The following PHYKPL variants were observed in gnomAD, a reference collection of about 807,000 sequenced individuals.
PHYKPL encodes the protein 5-phosphohydroxy-L-lysine phospho-lyase, also known as 5-phosphonooxy-L-lysine phospho-lyase.
Under a neutral mutation model 51.3 loss-of-function variants are expected in PHYKPL, and 42 were observed. That is an observed-to-expected ratio of 0.82 (90% CI 0.64 to 1.06). The LOEUF is 1.06. Among genes scored for constraint, PHYKPL ranks in the 50% least tolerant of loss-of-function variants. The pLI is 0.00. For missense variants in PHYKPL, 655 were observed against 586.6 expected, an observed-to-expected ratio of 1.12 and a Z score of -1.20; for synonymous variants, 264 against 236.0, an observed-to-expected ratio of 1.12 and a Z score of -1.09.
intron 8 of PHYKPL, among the ~76,000 whole-genome samples, chr5:178,222,016 C>T (rs11750481): frequency 0.23 from 34,882 of 152,106 alleles, 4,831 homozygotes; most frequent in East Asian, 0.44. Flanking sequence ...CCCAAGCACA[C>T]CACACTCCTC....
At position 178,231,513 on chromosome 5, in the gene PHYKPL, T is replaced by C; in HGVS notation, c.70A>G (p.Arg24Gly). The change falls in exon 2 of 13, where the codon AGA becomes GGA. Residue 24 changes from arginine (R) to glycine (G), a missense_variant. Transcript: ENST00000308158. ...ACAGGATCCTCGGGAAAAAAGAGTC[T>C]GCAGGAAGAGCTGTGGGGACAGGCA... The part of the protein sequence containing the change: ...LRQRLISSSC[R>G]LFFPEDPVKI... 1.2e-6 allele frequency: 2 copies of C among 1,614,158 alleles called. No individual in the cohort carries two copies. Among genetic ancestry groups the C allele is most frequent in the Middle Eastern group, 1.6e-4 (1 of 6,062 alleles).
chr5:178,222,475 G>C lies in PHYKPL; in HGVS notation c.807C>G (p.Phe269Leu). Residue 269 changes from phenylalanine to leucine, a missense_variant, in exon 8 of 13, where the codon TTC (phenylalanine) becomes TTG (leucine). Transcript: ENST00000308158. The stretch of plus-strand genomic sequence containing the variant: ...TGCCCATGGTGACGATGTCAGGGAC[G>C]AAGTCTTTTCCCTGGAGCTGGAAGG... ...FWAFQLQGKDFVPDIVTMGKS... is the reference protein window; with the variant it reads ...FWAFQLQGKDLVPDIVTMGKS... 1.2e-6 allele frequency: 2 copies of C among 1,614,260 alleles called. No homozygotes were observed. The highest frequency in any genetic ancestry group is 8.5e-7 in the Non-Finnish European group (1 of 1,180,044).
intron 3 of PHYKPL, chr5:178,226,370 C>CT (rs1762301132): frequency 6.6e-6 from 1 of 152,198 alleles, no homozygotes; most frequent in Non-Finnish European, 1.5e-5. Flanking sequence ...CCCGGGTGAC[C>CT]TTTGGAACTT....
intron 11 of PHYKPL, 135 bp downstream of exon 11, chr5:178,212,838 C>T: frequency 3.2e-6 from 4 of 1,258,330 alleles, no homozygotes; most frequent in South Asian, 1.5e-5. Context: ...CCCTCTCTTG[C>T]TCCCTGCCCT....
chr5:178,212,273 A>G (rs557321402), intron 11 of PHYKPL, among the ~76,000 whole-genome samples: 1 of 152,328 alleles, frequency 6.6e-6, no homozygotes, highest in South Asian at 2.1e-4. Flanking sequence ...TCTAGCAGGG[A>G]TGGGCCTCCC....
intron 6 of PHYKPL, among the ~76,000 whole-genome samples, chr5:178,224,145 C>T (rs1761782914): frequency 6.6e-6 from 1 of 152,212 alleles, no homozygotes; most frequent in Admixed American, 6.5e-5. Context: ...CAGTGGGATG[C>T]CCTTCCTCTG....
chr5:178,220,687 T>C (rs1334382502), intron 8 of PHYKPL, among the ~76,000 whole-genome samples: 1 of 146,914 alleles, frequency 6.8e-6, no homozygotes, highest in South Asian at 2.1e-4. Context: ...CAGAGACTTA[T>C]GAAAACTATT....
chr5:178,224,436 G>C lies in PHYKPL; in HGVS notation c.618+12C>G, dbSNP rs893748896. On this transcript the variant is annotated intron_variant, in intron 6 of 12. Transcript: ENST00000308158. ...ACTGTTGGCTGGATTGGACAGGCGC[G>C]GACACGGTTACCTTCCTGCCCTTCT... The C allele has an allele frequency of 2.6e-6, 4 of 1,560,434 alleles. No homozygotes were observed. The highest frequency in any genetic ancestry group is 1.7e-4 in the Middle Eastern group (1 of 5,792).
intron 8 of PHYKPL, among the ~76,000 whole-genome samples, chr5:178,219,953 G>T (rs986400370): frequency 7.9e-5 from 12 of 151,776 alleles, no homozygotes; most frequent in African/African-American, 2.7e-4. Context: ...CAGCATTTTG[G>T]GAGGCCGAGG....
intron 6 of PHYKPL, chr5:178,223,852 GTC>G: frequency 4.6e-6 from 1 of 216,406 alleles, no homozygotes. Flanking sequence ...TACTGCCCCC[GTC>G]AGGCCTCCCC....
At chr5:178,231,812 G>A (rs1335842438) in intron 1 of PHYKPL, 1 of 1,387,340 alleles carries the variant, frequency 7.2e-7, no homozygotes, top group Non-Finnish European at 9.6e-7. Flanking sequence ...CAGTCTCCCG[G>A]ATCCTGAGAA....
Position 178,231,820 on chromosome 5 carries a change from G to C in PHYKPL, c.60-297C>G, listed in dbSNP as rs1028834818. On this transcript the variant is annotated intron_variant, in intron 1 of 12. Transcript: ENST00000308158. ...TCCGCGTCAGTCTCCCGGATCCTGAGAAAAGGTGGCTGCCCCGTCCCATGG... is the reference window on the plus strand; with the variant it reads ...TCCGCGTCAGTCTCCCGGATCCTGACAAAAGGTGGCTGCCCCGTCCCATGG... 9 of 1,377,544 alleles carry C rather than the reference G, an allele frequency of 6.5e-6. No individual in the cohort carries two copies. In the African/African-American group the frequency reaches 1.0e-4, roughly 16 times the overall value. The allele number at this position is 1,377,544 out of a possible 1,614,324, so 85.3% of individuals were successfully genotyped here. A position where few individuals can be genotyped will look rare whatever the true frequency, so the allele number is the denominator to read the frequency against.
At chr5:178,214,666 G>T in intron 10 of PHYKPL, 130 bp downstream of exon 10, 1 of 788,934 alleles carries the variant, frequency 1.3e-6, no homozygotes, top group Non-Finnish European at 2.1e-6. Flanking sequence ...GCCAGCCCCA[G>T]CCCTCTTTCA....
Position 178,231,425 on chromosome 5 carries a change from C to T in PHYKPL, c.158G>A (p.Cys53Tyr), listed in dbSNP as rs766709084. 1.1e-5 allele frequency: 17 copies of T among 1,614,096 alleles called. No homozygotes were observed. Among genetic ancestry groups the T allele is most frequent in the Admixed American group, 1.7e-5 (1 of 60,002 alleles). ...CTGACCGTGCGCCACATTGCTGATG[C>T]AATCGATGTATTCTGCCCCCTGTTC... ...YDEQGAEYID[C>Y]ISNVAHVGHC... Residue 53 changes from cysteine to tyrosine, a missense_variant, in exon 2 of 13, where the codon TGC becomes TAC. Coordinates refer to ENST00000308158, the MANE Select transcript of PHYKPL (RefSeq NM_153373.4).
At chr5:178,215,204 TAGG>T (rs1759514967) in intron 9 of PHYKPL, 69 bp downstream of exon 9, 1 of 1,601,248 alleles carries the variant, frequency 6.2e-7, no homozygotes, top group Admixed American at 1.7e-5. Context: ...CCCAGGTTGT[TAGG>T]AGGTGAAGAA....
In PHYKPL at chr5:178,208,586, CTG is replaced by C. The variant is rs1304710494; in HGVS notation, c.*359_*360del. 6.6e-6 allele frequency: 1 copy of C among 152,228 alleles called. No individual in the cohort carries two copies. The allele number at this position is 152,228 out of a possible 1,614,324, so 9.4% of individuals were successfully genotyped here. On this transcript the variant is annotated 3_prime_UTR_variant, in exon 13 of 13. Coordinates refer to ENST00000308158, the MANE Select transcript of PHYKPL (RefSeq NM_153373.4). The stretch of plus-strand genomic sequence containing the variant: ...GCCAATTAAAAGTATGACTGGGACA[CTG>C]TAAAATGTACTATTTTTAATGGGTG...
At chr5:178,231,701 C>CAGGA in intron 1 of PHYKPL, 178 bp from the exon 2 acceptor site, 1 of 1,554,646 alleles carries the variant, frequency 6.4e-7, no homozygotes, top group Admixed American at 2.0e-5. Context: ...GGTTGCAAAG[C>CAGGA]AGGAAGCAGA....
intron 6 of PHYKPL, chr5:178,223,579 A>T (rs143430479): frequency 7.7e-5 from 33 of 427,402 alleles, no homozygotes; most frequent in African/African-American, 6.3e-4. Context: ...TGTTGCAATC[A>T]GAGCAATCTC....
intron 12 of PHYKPL, chr5:178,210,776 T>TTGAC: frequency 1.5e-6 from 1 of 668,706 alleles, no homozygotes; most frequent in Non-Finnish European, 2.7e-6. Flanking sequence ...CACTCTCCTG[T>TTGAC]TGACTATTTC....
Sources: allele counts gnomAD v4.1 joint callset (sites outside exome capture counted in the v4.1 genomes callset), GRCh38; gene constraint gnomAD v4.1.1; transcripts MANE v1.5; gene names NCBI Gene and HGNC (gene_info 2026-07-23, HGNC 2026-07-21).